HYDIN: variants seen among roughly 807,000 people sequenced by gnomAD.
HYDIN encodes HYDIN axonemal central pair apparatus protein.
HYDIN carries 132 observed loss-of-function variants against 403.9 expected under a neutral mutation model. The ratio of observed to expected loss-of-function variants is 0.33; its 90% CI spans 0.28 to 0.38. HYDIN has a LOEUF of 0.38. HYDIN is among the 10% of genes least tolerant of loss of function. The pLI is 1.00. For missense variants in HYDIN, 2,827 were observed against 5,009.5 expected (o/e 0.56, Z 13.15); for synonymous variants, 1,202 against 1,891.7 (o/e 0.64, Z 9.46).
chr16:70,842,312 T>C (rs1424910204), intron 75 of HYDIN, among the ~76,000 whole-genome samples: 1 of 152,196 alleles, frequency 6.6e-6, no homozygotes, highest in Non-Finnish European at 1.5e-5. Context: ...GATTGTTGAA[T>C]TGTTTATTTC....
At chr16:71,180,631 G>A (rs2086861328) in intron 3 of HYDIN, among the ~76,000 whole-genome samples, 1 of 151,038 alleles carries the variant, frequency 6.6e-6, no homozygotes, top group Admixed American at 6.6e-5. Flanking sequence ...GAAAGAAAGA[G>A]AAAAAAAATT....
At chr16:70,890,828 A>C (rs2041421205) in intron 57 of HYDIN, among the ~76,000 whole-genome samples, 1 of 152,150 alleles carries the variant, frequency 6.6e-6, no homozygotes, top group African/African-American at 2.4e-5. Context: ...AGGCAATAAT[A>C]GTAACAGGCA....
intron 23 of HYDIN, among the ~76,000 whole-genome samples, chr16:70,995,200 C>T (rs1974348): frequency 1.0e-3 from 157 of 152,194 alleles, no homozygotes; most frequent in African/African-American, 2.8e-3. Context: ...TGAAATAGAA[C>T]GCTGGTAGAG....
intron 5 of HYDIN, among the ~76,000 whole-genome samples, chr16:71,165,403 A>G (rs994470081): frequency 6.7e-6 from 1 of 150,220 alleles, no homozygotes; most frequent in South Asian, 2.1e-4. Context: ...TGACTGCCCT[A>G]TTTTCAATGG....
intron 9 of HYDIN, among the ~76,000 whole-genome samples, chr16:71,119,964 C>T (rs912976998): frequency 2.7e-5 from 4 of 149,256 alleles, no homozygotes; most frequent in Admixed American, 6.6e-5. Context: ...TTCTTTATTA[C>T]TCAGTTCTAA....
chr16:71,022,348 AC>A (rs2080527726), intron 21 of HYDIN, among the ~76,000 whole-genome samples: 2 of 152,162 alleles, frequency 1.3e-5, no homozygotes, highest in African/African-American at 4.8e-5. Context: ...TGCTGCTGGA[AC>A]TTCATGAAGA....
At position 71,060,564 on chromosome 16, in the gene HYDIN, A is replaced by T. The variant is rs1224919755; in HGVS notation, c.2469T>A (p.Ser823=). 1 of 673,118 alleles carries T rather than the reference A, an allele frequency of 1.5e-6. No individual in the cohort carries two copies. Among genetic ancestry groups the T allele is most frequent in the East Asian group, 2.7e-5 (1 of 37,048 alleles). The allele number at this position is 673,118 out of a possible 1,614,324, so 41.7% of individuals were successfully genotyped here. ...DFGNIYVLKD[S]SRILNLCNQS... is the part of the protein sequence containing the mutation. ...GGTTGCATAGGTTGAGAATCCTGGAAGAGTCTTTTAGGACGTAGATATTCC... is the reference window on the plus strand; with the variant it reads ...GGTTGCATAGGTTGAGAATCCTGGATGAGTCTTTTAGGACGTAGATATTCC... The change falls in exon 18 of 86, where the codon TCT becomes TCA. Residue 823 remains serine (S), a synonymous_variant. Coordinates refer to ENST00000393567, the MANE Select transcript of HYDIN (RefSeq NM_001270974.2).
At chr16:71,218,079 G>A (rs190236503) in intron 1 of HYDIN, among the ~76,000 whole-genome samples, 7 of 152,054 alleles carry the variant, frequency 4.6e-5, no homozygotes, top group African/African-American at 1.7e-4. Context: ...CTCATCATTA[G>A]TTTTCTGAAT....
intron 23 of HYDIN, among the ~76,000 whole-genome samples, chr16:71,010,192 C>T (rs1458632606): frequency 6.6e-6 from 1 of 150,442 alleles, no homozygotes; most frequent in Non-Finnish European, 1.5e-5. Flanking sequence ...TTGCCCCCTC[C>T]TCAGGCCTGT....
In HYDIN at chr16:70,837,854, C is replaced by T. The variant is rs375001908; in HGVS notation, c.13078G>A (p.Glu4360Lys). ...DCLYTNTTHL[E>K]VNSRVDVVKP... is the part of the protein sequence containing the mutation. Reference sequence around the variant, plus strand: ...ACCACATCAACACGGGAGTTCACCTCGAGGTGAGTGGTGTTGGTGTACAGA... The same window carrying T: ...ACCACATCAACACGGGAGTTCACCTTGAGGTGAGTGGTGTTGGTGTACAGA... Residue 4360 changes from glutamate to lysine, a missense_variant, in exon 77 of 86, where the codon GAG becomes AAG. By Grantham distance (56) the Glu-to-Lys change is moderately conservative. Transcript: ENST00000393567. 14 of 1,613,904 alleles carry T rather than the reference C, an allele frequency of 8.7e-6. No homozygotes were observed. The highest frequency in any genetic ancestry group is 5.0e-5 in the Admixed American group (3 of 60,008).
chr16:71,038,299 AGT>A, intron 18 of HYDIN, among the ~76,000 whole-genome samples: 1 of 152,336 alleles, frequency 6.6e-6, no homozygotes, highest in East Asian at 1.9e-4. Flanking sequence ...ACACTTATGC[AGT>A]GCTCAGCTCC....
intron 10 of HYDIN, chr16:71,113,479 T>C (rs935942567): frequency 6.6e-6 from 1 of 152,268 alleles, no homozygotes; most frequent in African/African-American, 2.4e-5. Flanking sequence ...AATAATGTCC[T>C]TTATAGCAAA....
chr16:71,189,675 G>A (rs1597987441), intron 1 of HYDIN, among the ~76,000 whole-genome samples: 1 of 150,956 alleles, frequency 6.6e-6, no homozygotes, highest in African/African-American at 2.4e-5. Flanking sequence ...GCTGAGGCAG[G>A]AGAATCACTT....
At chr16:70,919,120 A>G (rs1015959070) in intron 46 of HYDIN, among the ~76,000 whole-genome samples, 3 of 150,214 alleles carry the variant, frequency 2.0e-5, no homozygotes, top group Admixed American at 1.3e-4. Flanking sequence ...TCAAGGAGCT[A>G]AAGGCATTTC....
chr16:71,210,826 T>C (rs1841872657), intron 1 of HYDIN, among the ~76,000 whole-genome samples: 1 of 152,138 alleles, frequency 6.6e-6, no homozygotes, highest in Non-Finnish European at 1.5e-5. Context: ...AATGCAACTG[T>C]ATTGATTTCA....
In HYDIN at chr16:70,926,546, G is replaced by A. The variant is rs11866549; in HGVS notation, c.7159-5329C>T. On this transcript the variant is annotated intron_variant, in intron 45 of 85. Transcript: ENST00000393567. ...TTAATGGGTGCAGCACACCAGCATG[G>A]CACAGGTATACATATGTAACTAACC... 5.5e-4 allele frequency among the ~76,000 whole-genome samples: 84 copies of A among 151,964 alleles called. 1 individual carries two copies. Among genetic ancestry groups the A allele is most frequent in the Admixed American group, 2.2e-3 (34 of 15,274 alleles).
chr16:70,841,141 T>G (rs1032135252), intron 75 of HYDIN, among the ~76,000 whole-genome samples: 2 of 152,030 alleles, frequency 1.3e-5, no homozygotes, highest in Non-Finnish European at 2.9e-5. Flanking sequence ...ATTCAAAGCT[T>G]TTATTTTTCT....
At chr16:71,203,950 G>A (rs900354157) in intron 1 of HYDIN, 16 of 355,772 alleles carry the variant, frequency 4.5e-5, no homozygotes, top group East Asian at 8.1e-5. Flanking sequence ...CTTTAGTCCC[G>A]GCTACTTGGG....
intron 52 of HYDIN, among the ~76,000 whole-genome samples, chr16:70,902,821 A>ATTTTT (rs60618592): frequency 1.3e-4 from 6 of 47,294 alleles, no homozygotes; most frequent in African/African-American, 5.8e-4. Flanking sequence ...ATATATATAT[A>ATTTTT]TTTTTTTTTT....
Sources: allele counts gnomAD v4.1 joint callset (sites outside exome capture counted in the v4.1 genomes callset), GRCh38; gene constraint gnomAD v4.1.1; transcripts MANE v1.5; gene names NCBI Gene and HGNC (gene_info 2026-07-23, HGNC 2026-07-21).